Variants in TCF12 observed in about 807,000 individuals in gnomAD.
TCF12 encodes the protein transcription factor 12, also known as DNA-binding protein HTF4.
Under a neutral mutation model 86.0 loss-of-function variants are expected in TCF12, and 45 were observed. The ratio of observed to expected loss-of-function variants is 0.52; its 90% CI spans 0.41 to 0.67. The LOEUF (loss-of-function observed/expected upper bound fraction) is 0.67. Ranked by LOEUF, TCF12 falls within the 30% of genes least tolerant of loss-of-function variation. The probability of loss-of-function intolerance (pLI) is 0.00; values close to 1 mark genes in which losing one functional copy is unlikely to be tolerated. For synonymous variants in TCF12, 330 were observed against 299.6 expected (o/e 1.10, Z -1.05); for missense variants, 881 against 859.9 (o/e 1.02, Z -0.31).
At chr15:56,976,232 T>C (rs2062595015) in intron 3 of TCF12, among the ~76,000 whole-genome samples, 1 of 132,234 alleles carries the variant, frequency 7.6e-6, no homozygotes, top group Admixed American at 7.5e-5. Context: ...TTCTTTTTTT[T>C]TTTTTTTTTT....
intron 19 of TCF12, chr15:57,278,820 TTTC>T (rs1257404353): frequency 7.3e-5 from 11 of 150,450 alleles, no homozygotes; most frequent in African/African-American, 2.2e-4. Context: ...TCCTTTTCTT[TTTC>T]TTTCTTTCTC....
At chr15:56,977,162 A>G (rs1178642197) in intron 3 of TCF12, among the ~76,000 whole-genome samples, 2 of 152,184 alleles carry the variant, frequency 1.3e-5, no homozygotes, top group Non-Finnish European at 2.9e-5. Context: ...ACGCTTTTGG[A>G]GGACAGAAGT....
chr15:57,286,869 A>G lies in TCF12; in HGVS notation c.*724A>G. 1 of 358,642 alleles carries G rather than the reference A, an allele frequency of 2.8e-6. No individual in the cohort carries two copies. Among genetic ancestry groups the G allele is most frequent in the South Asian group, 2.1e-5 (1 of 46,832 alleles). The allele number at this position is 358,642 out of a possible 1,614,324, so 22.2% of individuals were successfully genotyped here. ...TCTGAACAGTTTATGGTCACAGTCC[A>G]GCCTCCTCCGTGCAGCCCTGTGTGC... On this transcript the variant is annotated 3_prime_UTR_variant, in exon 21 of 21. Transcript: ENST00000333725.
At chr15:57,195,728 G>A (rs2057228846) in intron 7 of TCF12, among the ~76,000 whole-genome samples, 1 of 152,222 alleles carries the variant, frequency 6.6e-6, no homozygotes, top group African/African-American at 2.4e-5. Context: ...CTGGGGCCGG[G>A]CATGGTGGCT....
intron 5 of TCF12, among the ~76,000 whole-genome samples, chr15:57,131,552 C>T (rs1377971635): frequency 6.6e-6 from 1 of 152,106 alleles, no homozygotes; most frequent in Non-Finnish European, 1.5e-5. Context: ...TCTTTGTATC[C>T]TCATAAAAGC....
chr15:57,028,775 TGTG>T (rs2065970847), intron 3 of TCF12, among the ~76,000 whole-genome samples: 1 of 152,106 alleles, frequency 6.6e-6, no homozygotes, highest in Non-Finnish European at 1.5e-5. Context: ...TCAGAAGTTT[TGTG>T]GTTTTAGATT....
intron 3 of TCF12, among the ~76,000 whole-genome samples, chr15:56,985,036 A>G (rs1023196742): frequency 9.9e-5 from 15 of 152,250 alleles, no homozygotes; most frequent in African/African-American, 3.4e-4. Context: ...GTCAGAGGAA[A>G]TGAACTCTTG....
At chr15:57,081,050 A>C (rs1387176145) in intron 4 of TCF12, among the ~76,000 whole-genome samples, 4 of 152,198 alleles carry the variant, frequency 2.6e-5, no homozygotes, top group African/African-American at 9.6e-5. Context: ...TGGCTTCATG[A>C]GAGTCCCCCA....
intron 18 of TCF12, among the ~76,000 whole-genome samples, chr15:57,264,647 A>G (rs1352472734): frequency 2.6e-5 from 4 of 152,100 alleles, no homozygotes; most frequent in African/African-American, 4.8e-5. Context: ...ACTGTCTTCC[A>G]CCTCCACATC....
At chr15:56,958,601 A>C (rs2061595405) in intron 3 of TCF12, among the ~76,000 whole-genome samples, 1 of 152,080 alleles carries the variant, frequency 6.6e-6, no homozygotes, top group African/African-American at 2.4e-5. Flanking sequence ...CCGTCACTGC[A>C]GACAGTTCTG....
At chr15:57,207,234 A>G (rs1397508674) in intron 8 of TCF12, among the ~76,000 whole-genome samples, 1 of 152,246 alleles carries the variant, frequency 6.6e-6, no homozygotes, top group Admixed American at 6.5e-5. Context: ...TGGTCTAAAC[A>G]TAAAACCTTC....
At chr15:57,080,722 G>C (rs2070564074) in intron 4 of TCF12, among the ~76,000 whole-genome samples, 1 of 152,122 alleles carries the variant, frequency 6.6e-6, no homozygotes, top group Admixed American at 6.6e-5. Context: ...AGGCCATTCG[G>C]ATGCCTTTTA....
At chr15:57,037,055 A>C (rs2066546243) in intron 3 of TCF12, among the ~76,000 whole-genome samples, 1 of 152,206 alleles carries the variant, frequency 6.6e-6, no homozygotes, top group Non-Finnish European at 1.5e-5. Flanking sequence ...TAAGTGATTT[A>C]AAGTGTAATC....
At chr15:57,137,041 G>T (rs573740952) in intron 5 of TCF12, among the ~76,000 whole-genome samples, 32 of 135,074 alleles carry the variant, frequency 2.4e-4, no homozygotes, top group African/African-American at 8.4e-4. Flanking sequence ...GTGCAGTGGC[G>T]CGATCTCGGC....
chr15:57,062,417 A>G (rs534966141), intron 3 of TCF12, among the ~76,000 whole-genome samples: 368 of 152,190 alleles, frequency 2.4e-3, no homozygotes, highest in Non-Finnish European at 4.0e-3. Flanking sequence ...AATGTTGTCT[A>G]TACTAGATAC....
At chr15:57,244,767 A>G (rs1176176973) in intron 13 of TCF12, among the ~76,000 whole-genome samples, 6 of 150,710 alleles carry the variant, frequency 4.0e-5, no homozygotes, top group Non-Finnish European at 7.4e-5. Flanking sequence ...CCCGGCCCAC[A>G]TGTTTTTTTT....
intron 6 of TCF12, among the ~76,000 whole-genome samples, chr15:57,171,873 A>G (rs1315261397): frequency 6.6e-6 from 1 of 152,250 alleles, no homozygotes; most frequent in African/African-American, 2.4e-5. Flanking sequence ...TTTTATCAGT[A>G]TAACAAAGTT....
chr15:57,159,405 CA>C, intron 5 of TCF12, among the ~76,000 whole-genome samples: 1 of 152,102 alleles, frequency 6.6e-6, no homozygotes. Flanking sequence ...GATTTGCCCA[CA>C]AAAGAGGAGC....
At chr15:57,008,402 G>C (rs1268332455) in intron 3 of TCF12, among the ~76,000 whole-genome samples, 1 of 149,832 alleles carries the variant, frequency 6.7e-6, no homozygotes, top group African/African-American at 2.5e-5. Context: ...TCGAGACAGG[G>C]TTTTGCTCTG....
Sources: allele counts gnomAD v4.1 joint callset (sites outside exome capture counted in the v4.1 genomes callset), GRCh38; gene constraint gnomAD v4.1.1; transcripts MANE v1.5; gene names NCBI Gene and HGNC (gene_info 2026-07-23, HGNC 2026-07-21).